DLG5: variants seen among roughly 807,000 people sequenced by gnomAD.
DLG5 encodes the protein discs large MAGUK scaffold protein 5.
In DLG5, 48 loss-of-function variants were observed where a neutral mutation model predicts 189.8. The ratio of observed to expected loss-of-function variants is 0.25; its 90% CI spans 0.20 to 0.32. The LOEUF (loss-of-function observed/expected upper bound fraction) is 0.32, where lower values mean the gene tolerates loss of function less well. Among genes scored for constraint, DLG5 ranks in the 10% least tolerant of loss-of-function variants. The pLI is 1.00. For synonymous variants in DLG5, 1,016 were observed against 1,054.1 expected (o/e 0.96, Z 0.70); for missense variants, 2,160 against 2,544.7 (o/e 0.85, Z 3.25).
chr10:77,921,695 T>C (rs1846539005), intron 1 of DLG5, among the ~76,000 whole-genome samples: 1 of 152,200 alleles, frequency 6.6e-6, no homozygotes, highest in African/African-American at 2.4e-5. Flanking sequence ...ATTCAGAGCT[T>C]CACTTCAACA....
chr10:77,819,337 G>A lies in DLG5; in HGVS notation c.3655C>T (p.Gln1219Ter). The A allele has an allele frequency of 6.2e-7, 1 of 1,614,058 alleles. No homozygotes were observed. Among genetic ancestry groups the A allele is most frequent in the Non-Finnish European group, 8.5e-7 (1 of 1,180,028 alleles). ...SPPAARDAGP[Q>*]GLHPSVQHQG... is the part of the protein sequence containing the mutation. ...TTCACATACCTGGGATGCAAACCCT[G>A]GGGGCCAGCATCTCGGGCCGCAGGT... Residue 1219 changes from glutamine (Q) to a stop codon, truncating the protein, a stop_gained, in exon 17 of 32, where the codon CAG becomes TAG. Coordinates refer to ENST00000372391, the MANE Select transcript of DLG5 (RefSeq NM_004747.4). LOFTEE classifies it high-confidence loss of function.
chr10:77,924,320 A>G (rs1245384845), intron 1 of DLG5, among the ~76,000 whole-genome samples: 1 of 152,206 alleles, frequency 6.6e-6, no homozygotes, highest in Non-Finnish European at 1.5e-5. Context: ...TCCAAACCCT[A>G]ATCTCTGCCT....
Position 77,871,795 on chromosome 10 carries a change from A to G in DLG5, c.305-2598T>C, listed in dbSNP as rs533541770. On this transcript the variant is annotated intron_variant, in intron 1 of 31. Transcript: ENST00000372391. ...CTGACCTCGGGATCCACCAGGCCTC[A>G]GCCTCCCAAAGTGCTAGGATTACAG... Among the ~76,000 whole-genome samples the G allele has an allele frequency of 2.0e-5, 3 of 152,082 alleles. No homozygotes were observed. In the East Asian group the frequency reaches 5.8e-4, roughly 29 times the overall value.
intron 1 of DLG5, among the ~76,000 whole-genome samples, chr10:77,886,898 T>C (rs1449349650): frequency 6.6e-6 from 1 of 152,134 alleles, no homozygotes; most frequent in African/African-American, 2.4e-5. Flanking sequence ...ACGGAGAACA[T>C]GGCCATCTGC....
the DLG5 span, among the ~76,000 whole-genome samples, chr10:77,933,639 G>A: frequency 6.6e-6 from 1 of 151,918 alleles, no homozygotes; most frequent in East Asian, 2.0e-4. Context: ...CAGGAGAATC[G>A]CTTGAACCTG....
Position 77,821,964 on chromosome 10 carries a change from G to C in DLG5, c.2520C>G (p.Asn840Lys). ...HNKRNLIQHNNSTQTDIFYTD... is the reference protein window; with the variant it reads ...HNKRNLIQHNKSTQTDIFYTD... ...TGTAGAAGATGTCTGTCTGCGTGGA[G>C]TTATTGTGCTGTATCAAGTTCCGTT... The change falls in exon 15 of 32, where the codon AAC (asparagine) becomes AAG (lysine). Residue 840 changes from asparagine (N) to lysine (K), a missense_variant. By Grantham distance (94) the Asn-to-Lys change is moderately conservative. Transcript: ENST00000372391. 1 of 1,614,246 alleles carries C rather than the reference G, an allele frequency of 6.2e-7. No individual in the cohort carries two copies. Among genetic ancestry groups the C allele is most frequent in the Non-Finnish European group, 8.5e-7 (1 of 1,180,044 alleles).
intron 1 of DLG5, among the ~76,000 whole-genome samples, chr10:77,876,139 C>T (rs187547460): frequency 3.6e-4 from 54 of 151,742 alleles, no homozygotes; most frequent in African/African-American, 1.3e-3. Flanking sequence ...GTATTTTCCA[C>T]CAAGTTTTGG....
rs1264574950 is a variant in DLG5, at chr10:77,819,463, T to A, written c.3529A>T (p.Thr1177Ser). The A allele has an allele frequency of 1.2e-6, 2 of 1,612,470 alleles. No individual in the cohort carries two copies. Among genetic ancestry groups the A allele is most frequent in the Admixed American group, 3.3e-5 (2 of 59,914 alleles). Reference sequence around the variant, plus strand: ...CTGGGGGTCAAACTCCGGGGAACAGTGCCTAGAAATGGGCTTGGTGAGAAA... The same window carrying A: ...CTGGGGGTCAAACTCCGGGGAACAGAGCCTAGAAATGGGCTTGGTGAGAAA... Reference protein sequence around the residue: ...PLYPSRPSVGTVPRSLTPSTT... With the variant: ...PLYPSRPSVGSVPRSLTPSTT... Residue 1177 changes from threonine to serine, a missense_variant and splice_region_variant, in exon 17 of 32, where the codon ACT (threonine) becomes TCT (serine). Thr to Ser is a moderately conservative substitution (Grantham distance 58). This residue lies in a region of DLG5 where 754 missense variants were observed against 746.5 expected (regional missense o/e 1.01). Transcript: ENST00000372391.
At chr10:77,918,827 T>C (rs1468369273) in intron 1 of DLG5, among the ~76,000 whole-genome samples, 1 of 152,106 alleles carries the variant, frequency 6.6e-6, no homozygotes, top group Non-Finnish European at 1.5e-5. Flanking sequence ...GCTACCTCTG[T>C]GGCTCACATC....
Position 77,926,245 on chromosome 10 carries a change from G to A in DLG5, c.276C>T (p.Val92=), listed in dbSNP as rs1371847301. 2 of 1,526,584 alleles carry A rather than the reference G, an allele frequency of 1.3e-6. No homozygotes were observed. The highest frequency in any genetic ancestry group is 1.8e-6 in the Non-Finnish European group (2 of 1,136,636). 94.6% of individuals were successfully genotyped at this position (1,526,584 alleles called of 1,614,324 possible). Residue 92 remains valine, a synonymous_variant, in exon 1 of 32, where the codon GTC becomes GTT. Transcript: ENST00000372391. The surrounding 1 kb of genome is among the most constrained non-coding windows in gnomAD (Gnocchi z 5.2). The stretch of plus-strand genomic sequence containing the variant: ...CGCCTTCGGCGGGCTGCGGCGGCCC[G>A]ACGACGCCGTTCAGGTAGAGAATGG... ...LLPILYLNGV[V]GPPQPAEGAG...
intron 7 of DLG5, among the ~76,000 whole-genome samples, chr10:77,840,775 G>A (rs1843379965): frequency 1.3e-5 from 2 of 152,160 alleles, no homozygotes; most frequent in African/African-American, 4.8e-5. Flanking sequence ...CATGACTGAG[G>A]AGGGCCATCT....
intron 2 of DLG5, among the ~76,000 whole-genome samples, chr10:77,860,160 CA>C (rs1012326352): frequency 2.6e-5 from 4 of 152,250 alleles, no homozygotes; most frequent in African/African-American, 9.6e-5. Context: ...TGAGGCCCAG[CA>C]AGGTTAGGTA....
chr10:77,866,438 A>G (rs1844686687), intron 2 of DLG5, among the ~76,000 whole-genome samples: 2 of 152,194 alleles, frequency 1.3e-5, no homozygotes, highest in Non-Finnish European at 2.9e-5. Context: ...CAAGCAGCCA[A>G]CTGTGGTCAA....
At chr10:77,923,092 G>C (rs997011544) in intron 1 of DLG5, among the ~76,000 whole-genome samples, 2 of 152,232 alleles carry the variant, frequency 1.3e-5, no homozygotes, top group Non-Finnish European at 2.9e-5. Context: ...AATCCATCAA[G>C]GAAGCTCCTA....
Position 77,817,853 on chromosome 10 carries a change from G to A in DLG5, c.3708C>T (p.Ser1236=), listed in dbSNP as rs372165538. 68 of 1,553,466 alleles carry A rather than the reference G, an allele frequency of 4.4e-5. No homozygotes were observed. The highest frequency in any genetic ancestry group is 5.5e-5 in the African/African-American group (4 of 73,172). ...CGGAGTAGTCGCTGCAGGTCCTGTGGCTCAGGTCCAGGCTCAGGCGTCCCT... is the reference window on the plus strand; with the variant it reads ...CGGAGTAGTCGCTGCAGGTCCTGTGACTCAGGTCCAGGCTCAGGCGTCCCT... ...QHQGRLSLDL[S]HRTCSDYSEM... is the part of the protein sequence containing the mutation. Residue 1236 remains serine (S), a synonymous_variant, in exon 18 of 32, where the codon AGC becomes AGT. Transcript: ENST00000372391.
chr10:77,811,292 C>T lies in DLG5; in HGVS notation c.4323-58G>A. 16 of 1,570,400 alleles carry T rather than the reference C, an allele frequency of 1.0e-5. No individual in the cohort carries two copies. The South Asian group carries it at 1.9e-4, about 18-fold the overall frequency. ...GTACGAAGCCACCCAGAGCCACCCC[C>T]ACTCCTGTGGCAACTAGATCTGAGC... is the stretch of plus-strand genomic sequence containing the variant. On this transcript the variant is annotated intron_variant, in intron 22 of 31. Transcript: ENST00000372391.
At chr10:77,852,887 G>A (rs899715571) in intron 5 of DLG5, among the ~76,000 whole-genome samples, 4 of 152,184 alleles carry the variant, frequency 2.6e-5, no homozygotes, top group African/African-American at 4.8e-5. Flanking sequence ...ATGTGCCTGT[G>A]TGTATGTGTA....
intron 13 of DLG5, among the ~76,000 whole-genome samples, chr10:77,825,565 T>C (rs1842592240): frequency 6.6e-6 from 1 of 152,048 alleles, no homozygotes. Flanking sequence ...AGTTTTCTTT[T>C]TTTTTTTTGA....
In DLG5 at chr10:77,796,354, G is replaced by C. The variant is rs572472397; in HGVS notation, c.5308+97C>G. 1 of 1,594,026 alleles carries C rather than the reference G, an allele frequency of 6.3e-7. No individual in the cohort carries two copies. Among genetic ancestry groups the C allele is most frequent in the Non-Finnish European group, 8.6e-7 (1 of 1,166,890 alleles). ...TGGAACACTGTGAAATCTGCCCCCCGGTACTGCCACCCACTGTGCACAGCT... is the reference window on the plus strand; with the variant it reads ...TGGAACACTGTGAAATCTGCCCCCCCGTACTGCCACCCACTGTGCACAGCT... On this transcript the variant is annotated intron_variant, in intron 28 of 31. Coordinates refer to ENST00000372391, the MANE Select transcript of DLG5 (RefSeq NM_004747.4). The surrounding 1 kb of genome is among the most constrained non-coding windows in gnomAD (Gnocchi z 5.2).
Sources: gnomAD v4.1 joint callset for allele counts (sites outside exome capture counted in the v4.1 genomes callset) on GRCh38, gnomAD v4.1.1 for gene constraint, gnomAD v4.1.1 regional missense constraint, Gnocchi (gnomAD v3.1) non-coding constraint, MANE v1.5 for transcripts, NCBI Gene and HGNC (gene_info 2026-07-23, HGNC 2026-07-21) for gene names.